The following TAFA2 variants were observed in gnomAD, a reference collection of about 807,000 sequenced individuals.
TAFA2 encodes TAFA chemokine like family member 2, also known as chemokine-like protein TAFA-2.
TAFA2 carries 7 observed loss-of-function variants against 18.8 expected under a neutral mutation model. The observed-to-expected ratio is 0.37, with a 90% CI of 0.21 to 0.70. TAFA2 has a LOEUF of 0.70. Ranked by LOEUF, TAFA2 falls within the 30% of genes least tolerant of loss-of-function variation. The pLI is 0.53. For synonymous variants in TAFA2, 60 were observed against 54.2 expected, an observed-to-expected ratio of 1.11 and a Z score of -0.47; for missense variants, 122 against 158.1, an observed-to-expected ratio of 0.77 and a Z score of 1.23.
chr12:61,886,490 AT>A (rs1042182688), intron 1 of TAFA2, among the ~76,000 whole-genome samples: 12 of 152,064 alleles, frequency 7.9e-5, no homozygotes, highest in African/African-American at 2.9e-4. Flanking sequence ...CCTGCCCTCC[AT>A]AAGAATACTC....
intron 4 of TAFA2, among the ~76,000 whole-genome samples, chr12:61,741,893 A>C (rs961636801): frequency 1.3e-5 from 2 of 152,100 alleles, no homozygotes; most frequent in African/African-American, 2.4e-5. Context: ...AATTCTGCTA[A>C]GGAGATTCAT....
intron 1 of TAFA2, chr12:62,235,538 T>G: frequency 2.3e-6 from 1 of 441,254 alleles, no homozygotes; most frequent in Non-Finnish European, 4.2e-6. Context: ...GTGTCTAGAC[T>G]CTCTGCTGAA....
rs764466648 is a variant in TAFA2, at chr12:61,755,073, T to TC, written c.107-50dup. On this transcript the variant is annotated intron_variant, in intron 2 of 4. Transcript: ENST00000416284. ...CAACATTGAGAAAGCTTTGGACACT[T>TC]CCCCCCACCCTTCTTTTTAATTAGC... 1.3e-4 allele frequency: 205 copies of TC among 1,586,028 alleles called. No individual in the cohort carries two copies. In the African/African-American group the frequency reaches 2.6e-3, roughly 20 times the overall value.
At chr12:62,112,022 C>T (rs1345140159) in intron 1 of TAFA2, among the ~76,000 whole-genome samples, 1 of 152,054 alleles carries the variant, frequency 6.6e-6, no homozygotes, top group Admixed American at 6.5e-5. Context: ...GAATTTGATC[C>T]TGTCATTATG....
rs555321931 is a variant in TAFA2 at position 61,730,641 on chromosome 12, G to C, written c.385-20224C>G. 5.9e-5 allele frequency among the ~76,000 whole-genome samples: 9 copies of C among 152,098 alleles called. No individual in the cohort carries two copies. The South Asian group carries it at 1.9e-3, about 32-fold the overall frequency. ...TCAGGCCAATCGATTCATGTTACAA[G>C]GGGATTATGGCTGCCTCTGCTGCTT... On this transcript the variant is annotated intron_variant, in intron 4 of 4. Coordinates refer to ENST00000416284, the MANE Select transcript of TAFA2 (RefSeq NM_178539.5).
chr12:61,940,398 G>A (rs1877951556), intron 1 of TAFA2, among the ~76,000 whole-genome samples: 1 of 152,204 alleles, frequency 6.6e-6, no homozygotes, highest in African/African-American at 2.4e-5. Context: ...CAGGTAGGAG[G>A]AGTGGCCATC....
chr12:62,201,254 T>G (rs894766860), intron 1 of TAFA2, among the ~76,000 whole-genome samples: 2 of 152,176 alleles, frequency 1.3e-5, no homozygotes, highest in Non-Finnish European at 2.9e-5. Context: ...CTGACTTCCC[T>G]GGCCAGAACT....
intron 4 of TAFA2, among the ~76,000 whole-genome samples, chr12:61,711,489 T>G (rs756712539): frequency 2.6e-5 from 4 of 152,144 alleles, no homozygotes; most frequent in Non-Finnish European, 4.4e-5. Context: ...TTGTCAAAAT[T>G]TTGATTTTAT....
In TAFA2 at chr12:62,243,589, G is replaced by A. The variant is rs564489099; in HGVS notation, c.-130+15174C>T. ...AAAACTAACTATATGCCAGAAAGCT[G>A]AGATGATGGCTCAGTAGCAATATTC... On this transcript the variant is annotated intron_variant, in intron 1 of 5. Transcript: ENST00000551619. Among the ~76,000 whole-genome samples the A allele has an allele frequency of 5.3e-5, 8 of 152,308 alleles. No homozygotes were observed. In the East Asian group the frequency reaches 1.3e-3, roughly 26 times the overall value.
At chr12:62,216,298 G>C (rs1383331687) in intron 1 of TAFA2, among the ~76,000 whole-genome samples, 1 of 152,140 alleles carries the variant, frequency 6.6e-6, no homozygotes, top group Non-Finnish European at 1.5e-5. Context: ...TTAGACTGTG[G>C]AATAAGACCC....
intron 2 of TAFA2, among the ~76,000 whole-genome samples, chr12:61,864,460 TATAAA>T (rs901987294): frequency 1.3e-5 from 2 of 150,036 alleles, no homozygotes; most frequent in African/African-American, 4.9e-5. Flanking sequence ...TGTAGTAAGA[TATAAA>T]AAGAGAAACC....
At chr12:61,724,786 T>TACACCA (rs1565751009) in intron 4 of TAFA2, among the ~76,000 whole-genome samples, 29 of 86,296 alleles carry the variant, frequency 3.4e-4, no homozygotes, top group South Asian at 1.0e-3. Context: ...TGTGTGTGTG[T>TACACCA]GTGTGTGTGT....
At chr12:61,782,912 A>G (rs1407880240) in intron 2 of TAFA2, among the ~76,000 whole-genome samples, 1 of 151,756 alleles carries the variant, frequency 6.6e-6, no homozygotes, top group Non-Finnish European at 1.5e-5. Flanking sequence ...TGTTTCCCCT[A>G]GGAAAATTCC....
chr12:61,981,112 A>G (rs1432779202), intron 1 of TAFA2, among the ~76,000 whole-genome samples: 2 of 152,178 alleles, frequency 1.3e-5, no homozygotes, highest in Non-Finnish European at 2.9e-5. Flanking sequence ...AAATAGATAT[A>G]TAGATGAATG....
chr12:61,904,487 T>C (rs1876254486), intron 1 of TAFA2, among the ~76,000 whole-genome samples: 1 of 152,192 alleles, frequency 6.6e-6, no homozygotes, highest in Non-Finnish European at 1.5e-5. Flanking sequence ...GGTGCTGTGG[T>C]AGGTGCTAGG....
At chr12:61,924,017 CAT>C (rs1877170767) in intron 1 of TAFA2, among the ~76,000 whole-genome samples, 1 of 149,834 alleles carries the variant, frequency 6.7e-6, no homozygotes, top group African/African-American at 2.5e-5. Flanking sequence ...TGAAATAAAA[CAT>C]GAAGACAAGA....
At chr12:62,179,945 G>A (rs2062540813) in intron 1 of TAFA2, among the ~76,000 whole-genome samples, 1 of 152,116 alleles carries the variant, frequency 6.6e-6, no homozygotes, top group Non-Finnish European at 1.5e-5. Context: ...TCTGCCCAGT[G>A]AACTTGATGC....
At chr12:61,936,852 A>T (rs555407495) in intron 1 of TAFA2, among the ~76,000 whole-genome samples, 2 of 152,290 alleles carry the variant, frequency 1.3e-5, no homozygotes, top group Admixed American at 6.5e-5. Flanking sequence ...AAGGGCATCC[A>T]AATTGGAAAA....
chr12:61,850,630 T>G (rs949063101), intron 2 of TAFA2, among the ~76,000 whole-genome samples: 18 of 152,090 alleles, frequency 1.2e-4, no homozygotes, highest in Non-Finnish European at 2.2e-4. Flanking sequence ...GGAAGATTTA[T>G]TCTCCTCATG....
Sources: gnomAD v4.1 joint callset for allele counts (sites outside exome capture counted in the v4.1 genomes callset) on GRCh38, gnomAD v4.1.1 for gene constraint, MANE v1.5 for transcripts, NCBI Gene and HGNC (gene_info 2026-07-23, HGNC 2026-07-21) for gene names.